STS: variants seen among roughly 807,000 people sequenced by gnomAD.
The protein encoded by STS is steryl-sulfatase.
A neutral mutation model predicts 26.8 loss-of-function variants in STS; 7 were observed. The ratio of observed to expected loss-of-function variants is 0.26; its 90% CI spans 0.15 to 0.49. STS has a LOEUF of 0.49. STS is among the 20% of genes least tolerant of loss of function. STS has a pLI of 0.98. For synonymous variants in STS, 199 were observed against 189.4 expected (o/e 1.05, Z -0.42); for missense variants, 434 against 465.6 (o/e 0.93, Z 0.63).
intron 5 of STS, among the ~76,000 whole-genome samples, chrX:7,258,449 C>T (rs1325976903): frequency 9.0e-6 from 1 of 111,338 alleles, no homozygotes; most frequent in East Asian, 2.8e-4. Flanking sequence ...CTATTCACAC[C>T]ATGCTATTGA....
intron 2 of STS, among the ~76,000 whole-genome samples, chrX:7,231,061 C>T (rs530118417): frequency 5.4e-5 from 6 of 111,863 alleles, no homozygotes; most frequent in Middle Eastern, 4.6e-3. Flanking sequence ...CTCATAGTGG[C>T]ATTATTCATG....
At chrX:7,289,582 G>T (rs1247668101) in intron 7 of STS, among the ~76,000 whole-genome samples, 2 of 111,734 alleles carry the variant, frequency 1.8e-5, no homozygotes, top group South Asian at 3.7e-4. Context: ...GTCCTTACCT[G>T]TGGAATCTCA....
intron 2 of STS, among the ~76,000 whole-genome samples, chrX:7,227,815 G>A (rs1478768390): frequency 9.0e-6 from 1 of 111,549 alleles, no homozygotes; most frequent in Non-Finnish European, 1.9e-5. Flanking sequence ...GCAGGTCTCT[G>A]GACTTAATCC....
In STS at chrX:7,229,995, C is replaced by T. The variant is rs757485543; in HGVS notation, c.-4-23201C>T. Among the ~76,000 whole-genome samples the T allele has an allele frequency of 4.5e-5, 5 of 111,078 alleles. No homozygotes were observed. In the East Asian group the frequency reaches 1.4e-3, roughly 31 times the overall value. On this transcript the variant is annotated intron_variant, in intron 2 of 10. Transcript: ENST00000674429. ...CGGGGCTCAAGAGATCCTCCGACCT[C>T]AGCCTTCTGAGTAGCTGGGACTACA... is the stretch of plus-strand genomic sequence containing the variant.
chrX:7,227,071 C>T (rs1394773819), intron 2 of STS, among the ~76,000 whole-genome samples: 1 of 111,908 alleles, frequency 8.9e-6, no homozygotes, highest in African/African-American at 3.2e-5. Context: ...TATTTATTTG[C>T]TTATTAGCCT....
At chrX:7,182,970 C>T (rs1432242359) in intron 1 of STS, among the ~76,000 whole-genome samples, 1 of 111,516 alleles carries the variant, frequency 9.0e-6, no homozygotes, top group Non-Finnish European at 1.9e-5. Context: ...TGGGCCCCAT[C>T]CAATATGATT....
At chrX:7,348,793 G>A (rs778290360) in intron 10 of STS, among the ~76,000 whole-genome samples, 5 of 111,442 alleles carry the variant, frequency 4.5e-5, no homozygotes, top group South Asian at 7.6e-4. Context: ...AAAGGTATAC[G>A]TTGCATGCCA....
intron 2 of STS, among the ~76,000 whole-genome samples, chrX:7,204,592 C>T (rs1186628337): frequency 1.1e-5 from 1 of 92,882 alleles, no homozygotes; most frequent in African/African-American, 4.0e-5. Context: ...TTCCTCCTTT[C>T]TCTCCATCTT....
At chrX:7,264,781 C>A in intron 6 of STS, among the ~76,000 whole-genome samples, 1 of 111,842 alleles carries the variant, frequency 8.9e-6, no homozygotes, top group African/African-American at 3.2e-5. Context: ...GTTTCATATA[C>A]ATGTATGAGC....
intron 2 of STS, among the ~76,000 whole-genome samples, chrX:7,215,032 TATATATATAC>T (rs1362696920): frequency 3.0e-5 from 2 of 67,652 alleles, no homozygotes; most frequent in East Asian, 4.3e-4. Flanking sequence ...ATTATATATG[TATATATATAC>T]ATATATATAC....
intron 2 of STS, among the ~76,000 whole-genome samples, chrX:7,207,444 T>G (rs763843031): frequency 8.9e-6 from 1 of 112,333 alleles, no homozygotes; most frequent in Non-Finnish European, 1.9e-5. Flanking sequence ...GGTTAAGCTT[T>G]AACAATTCAG....
chrX:7,243,712 G>A (rs1922728730), intron 2 of STS, among the ~76,000 whole-genome samples: 2 of 111,679 alleles, frequency 1.8e-5, no homozygotes, highest in South Asian at 7.5e-4. Context: ...GGGAGACCCC[G>A]AAAAGGGAGG....
chrX:7,195,949 T>TA (rs1333781410), intron 2 of STS, among the ~76,000 whole-genome samples: 2 of 112,565 alleles, frequency 1.8e-5, no homozygotes, highest in Non-Finnish European at 3.8e-5. Flanking sequence ...AAAGACTAGA[T>TA]AAGGTCTGTG....
chrX:7,224,544 C>A (rs1335032378), intron 2 of STS, among the ~76,000 whole-genome samples: 2 of 111,296 alleles, frequency 1.8e-5, no homozygotes, highest in Non-Finnish European at 3.8e-5. Context: ...AAAAGAGACC[C>A]CAGAGAGCTC....
At chrX:7,198,555 C>T (rs1022510506) in intron 2 of STS, among the ~76,000 whole-genome samples, 1 of 111,655 alleles carries the variant, frequency 9.0e-6, no homozygotes, top group Non-Finnish European at 1.9e-5. Context: ...GGTGTGTCCC[C>T]AGGCAAAAAT....
rs780137388 is a variant in STS, at chrX:7,331,532, C to T, written c.1242-2454C>T. Among the ~76,000 whole-genome samples, 146 of 111,249 alleles carry T rather than the reference C, an allele frequency of 1.3e-3. 1 individual carries two copies. Among genetic ancestry groups the T allele is most frequent in the African/African-American group, 4.6e-3 (141 of 30,642 alleles). On this transcript the variant is annotated intron_variant, in intron 9 of 10. Coordinates refer to ENST00000674429, the MANE Select transcript of STS (RefSeq NM_001320752.2). ...AAGAAAAATCCCGTTAGACTGTTTC[C>T]AGAGAAAACAGCAATGCTTTGAGTC... is the stretch of plus-strand genomic sequence containing the variant.
intron 7 of STS, among the ~76,000 whole-genome samples, chrX:7,281,532 G>A (rs1013686518): frequency 6.3e-5 from 7 of 111,988 alleles, no homozygotes; most frequent in Admixed American, 2.8e-4. Flanking sequence ...GAATGAATGC[G>A]TGTTTGCCAT....
intron 2 of STS, among the ~76,000 whole-genome samples, chrX:7,228,110 T>C (rs1921899268): frequency 8.9e-6 from 1 of 111,901 alleles, no homozygotes; most frequent in Non-Finnish European, 1.9e-5. Context: ...TTTTTGTTTT[T>C]AATCCATTCA....
At chrX:7,269,838 A>G (rs992753517) in intron 6 of STS, among the ~76,000 whole-genome samples, 1 of 111,738 alleles carries the variant, frequency 8.9e-6, no homozygotes, top group Non-Finnish European at 1.9e-5. Flanking sequence ...GCCAGAAGGA[A>G]TTCACAGACA....
Sources: allele counts gnomAD v4.1 joint callset (sites outside exome capture counted in the v4.1 genomes callset), GRCh38; gene constraint gnomAD v4.1.1; transcripts MANE v1.5; gene names NCBI Gene and HGNC (gene_info 2026-07-23, HGNC 2026-07-21).